TSPAN5: variants seen among roughly 807,000 people sequenced by gnomAD.
TSPAN5 encodes the protein tetraspanin-5.
Under a neutral mutation model 37.1 loss-of-function variants are expected in TSPAN5, and 10 were observed. That is an observed-to-expected ratio of 0.27 (90% CI 0.17 to 0.46). TSPAN5 has a LOEUF of 0.46. Ranked by LOEUF, TSPAN5 falls within the 20% of genes least tolerant of loss-of-function variation. TSPAN5 has a pLI of 1.00. For synonymous variants in TSPAN5, 110 were observed against 118.9 expected (o/e 0.93, Z 0.48); for missense variants, 195 against 326.6 (o/e 0.60, Z 3.11).
intron 1 of TSPAN5, among the ~76,000 whole-genome samples, chr4:98,610,343 C>T (rs1756151805): frequency 6.6e-6 from 1 of 152,220 alleles, no homozygotes; most frequent in Non-Finnish European, 1.5e-5. Flanking sequence ...CACCTCCCAT[C>T]ACGGTTACAC....
At chr4:98,498,852 A>G (rs1324635776) in intron 2 of TSPAN5, among the ~76,000 whole-genome samples, 3 of 152,144 alleles carry the variant, frequency 2.0e-5, no homozygotes, top group African/African-American at 7.2e-5. Context: ...CTGCTCTGGT[A>G]TCAGAAGTAG....
At chr4:98,494,254 T>C (rs1487772647) in intron 2 of TSPAN5, among the ~76,000 whole-genome samples, 1 of 151,956 alleles carries the variant, frequency 6.6e-6, no homozygotes, top group East Asian at 2.0e-4. Context: ...GAACAAACCA[T>C]CCTGAACTGT....
intron 1 of TSPAN5, among the ~76,000 whole-genome samples, chr4:98,564,585 G>GC (rs5860539): frequency 0.78 from 118,192 of 152,110 alleles, 46,692 homozygotes; most frequent in African/African-American, 0.92. Flanking sequence ...TTCATTTGTT[G>GC]CCCCAAATTG....
intron 1 of TSPAN5, among the ~76,000 whole-genome samples, chr4:98,609,647 T>A (rs996039472): frequency 6.6e-6 from 1 of 152,148 alleles, no homozygotes; most frequent in African/African-American, 2.4e-5. Flanking sequence ...TCCTTTGCAA[T>A]GTATTGAAGG....
rs1304870399 is a variant in TSPAN5 at position 98,592,387 on chromosome 4, GA to G, written c.81+65758del. On this transcript the variant is annotated intron_variant, in intron 1 of 7. Coordinates refer to ENST00000305798, the MANE Select transcript of TSPAN5 (RefSeq NM_005723.4). Reference sequence around the variant, plus strand: ...CCAGGAGATTCACAGCAACCAATCAGAAAGGGCCTGGTTTACCTAACTAAGG... The same window carrying G: ...CCAGGAGATTCACAGCAACCAATCAGAAGGGCCTGGTTTACCTAACTAAGG... 4.1e-5 allele frequency among the ~76,000 whole-genome samples: 6 copies of G among 146,038 alleles called. No homozygotes were observed. The South Asian group carries it at 1.4e-3, about 33-fold the overall frequency.
intron 1 of TSPAN5, among the ~76,000 whole-genome samples, chr4:98,611,747 C>T (rs1467787403): frequency 6.6e-6 from 1 of 152,222 alleles, no homozygotes; most frequent in East Asian, 1.9e-4. Context: ...AGGTTTGTCC[C>T]AGGCAGGGCT....
chr4:98,656,762 C>T (rs1370971255), intron 1 of TSPAN5, among the ~76,000 whole-genome samples: 1 of 152,058 alleles, frequency 6.6e-6, no homozygotes, highest in African/African-American at 2.4e-5. Flanking sequence ...TTGCATTTCC[C>T]CTCACAAAAC....
intron 1 of TSPAN5, among the ~76,000 whole-genome samples, chr4:98,564,047 C>G (rs888821909): frequency 6.6e-6 from 1 of 152,104 alleles, no homozygotes; most frequent in African/African-American, 2.4e-5. Context: ...GACACACACA[C>G]AAAAAACGTG....
At chr4:98,643,213 A>G (rs1184625667) in intron 1 of TSPAN5, among the ~76,000 whole-genome samples, 1 of 152,170 alleles carries the variant, frequency 6.6e-6, no homozygotes, top group Non-Finnish European at 1.5e-5. Context: ...CGTGTTATAA[A>G]TGCCTACAGT....
intron 1 of TSPAN5, among the ~76,000 whole-genome samples, chr4:98,520,945 T>TG (rs796749116): frequency 7.8e-4 from 59 of 76,128 alleles, no homozygotes; most frequent in African/African-American, 2.6e-3. Context: ...GGGGGCAGGG[T>TG]GGGGGGGATA....
chr4:98,525,905 T>A (rs1371934300), intron 1 of TSPAN5, among the ~76,000 whole-genome samples: 1 of 152,214 alleles, frequency 6.6e-6, no homozygotes, highest in Non-Finnish European at 1.5e-5. Flanking sequence ...ATCTGTATAA[T>A]TAAGATATAA....
intron 2 of TSPAN5, among the ~76,000 whole-genome samples, chr4:98,500,871 T>A (rs892312734): frequency 6.6e-6 from 1 of 151,716 alleles, no homozygotes; most frequent in African/African-American, 2.4e-5. Context: ...AAGCCAGGAG[T>A]AGGTATCCAC....
At chr4:98,618,713 C>T (rs1560562085) in intron 1 of TSPAN5, among the ~76,000 whole-genome samples, 4 of 152,150 alleles carry the variant, frequency 2.6e-5, no homozygotes, top group Non-Finnish European at 5.9e-5. Context: ...TACCACACTG[C>T]CTTGGGGTCT....
At chr4:98,575,560 T>A (rs1226647421) in intron 1 of TSPAN5, among the ~76,000 whole-genome samples, 1 of 152,086 alleles carries the variant, frequency 6.6e-6, no homozygotes, top group East Asian at 1.9e-4. Flanking sequence ...GGTTATTTAC[T>A]GGGTAATTTC....
At chr4:98,635,474 G>A (rs558081153) in intron 1 of TSPAN5, among the ~76,000 whole-genome samples, 2 of 152,178 alleles carry the variant, frequency 1.3e-5, no homozygotes, top group Non-Finnish European at 2.9e-5. Flanking sequence ...TAGTTCCAAT[G>A]GTGGATCTAG....
At chr4:98,481,898 A>T (rs1752845712) in intron 4 of TSPAN5, 107 bp downstream of exon 4, 2 of 1,043,886 alleles carry the variant, frequency 1.9e-6, no homozygotes, top group South Asian at 2.8e-5. Context: ...CATGCAGAAT[A>T]GTCAGGTAGT....
rs1578978003 is a variant in TSPAN5, at chr4:98,539,854, G to A, written c.82-32126C>T. Among the ~76,000 whole-genome samples, 3 of 152,162 alleles carry A rather than the reference G, an allele frequency of 2.0e-5. No individual in the cohort carries two copies. The East Asian group carries it at 5.8e-4, about 29-fold the overall frequency. Reference sequence around the variant, plus strand: ...TCAGCGTAGAAAAGATTGTGGCTGTGTCTTGGTTGCTCTCTAGTGCGTGTT... The same window carrying A: ...TCAGCGTAGAAAAGATTGTGGCTGTATCTTGGTTGCTCTCTAGTGCGTGTT... On this transcript the variant is annotated intron_variant, in intron 1 of 7. Transcript: ENST00000305798.
chr4:98,592,447 T>TTTTATTA (rs1755667820), intron 1 of TSPAN5, among the ~76,000 whole-genome samples: 1 of 116,914 alleles, frequency 8.6e-6, no homozygotes, highest in African/African-American at 3.3e-5. Context: ...TTTTTTTTTT[T>TTTTATTA]TATTATACTC....
At chr4:98,543,204 C>T (rs998553991) in intron 1 of TSPAN5, among the ~76,000 whole-genome samples, 2 of 152,152 alleles carry the variant, frequency 1.3e-5, no homozygotes, top group African/African-American at 4.8e-5. Context: ...TTTGAGCTAA[C>T]TGGCCAATTA....
Sources: allele counts gnomAD v4.1 joint callset (sites outside exome capture counted in the v4.1 genomes callset), GRCh38; gene constraint gnomAD v4.1.1; transcripts MANE v1.5; gene names NCBI Gene and HGNC (gene_info 2026-07-23, HGNC 2026-07-21).